Variants in KAZN observed in about 807,000 individuals in gnomAD.
KAZN encodes kazrin.
A neutral mutation model predicts 87.4 loss-of-function variants in KAZN; 40 were observed. The ratio of observed to expected loss-of-function variants is 0.46; its 90% CI spans 0.36 to 0.60. The LOEUF (loss-of-function observed/expected upper bound fraction) is 0.60. Ranked by LOEUF, KAZN falls within the 20% of genes least tolerant of loss-of-function variation. The pLI is 0.00. For missense variants in KAZN, 898 were observed against 1,073.9 expected, an observed-to-expected ratio of 0.84 and a Z score of 2.29; for synonymous variants, 466 against 458.3, an observed-to-expected ratio of 1.02 and a Z score of -0.22.
intron 1 of KAZN, among the ~76,000 whole-genome samples, chr1:13,984,777 AGAG>A (rs1250410694): frequency 6.6e-6 from 1 of 152,242 alleles, no homozygotes; most frequent in Non-Finnish European, 1.5e-5. Context: ...TTTTTTGGTA[AGAG>A]GTTCACTGAG....
At chr1:14,604,147 G>A (rs895882402) in intron 1 of KAZN, among the ~76,000 whole-genome samples, 2 of 152,138 alleles carry the variant, frequency 1.3e-5, no homozygotes, top group Admixed American at 1.3e-4. Context: ...CGTGGAAATA[G>A]GTCTCAGTGT....
At chr1:14,752,166 A>G (rs1193862973) in intron 1 of KAZN, among the ~76,000 whole-genome samples, 1 of 152,208 alleles carries the variant, frequency 6.6e-6, no homozygotes. Flanking sequence ...GAATTAATCT[A>G]TTCATGAAGA....
intron 2 of KAZN, among the ~76,000 whole-genome samples, chr1:14,997,321 A>C: frequency 6.7e-6 from 1 of 148,954 alleles, no homozygotes; most frequent in South Asian, 2.1e-4. Context: ...GCTCACCAAA[A>C]CCTCCACCTC....
intron 2 of KAZN, among the ~76,000 whole-genome samples, chr1:15,032,700 G>A (rs1283666360): frequency 6.6e-6 from 1 of 152,040 alleles, no homozygotes; most frequent in African/African-American, 2.4e-5. Context: ...TGTAATCCCA[G>A]CACTTTGAGA....
chr1:14,675,979 A>G (rs1229754901), intron 1 of KAZN, among the ~76,000 whole-genome samples: 1 of 152,124 alleles, frequency 6.6e-6, no homozygotes, highest in African/African-American at 2.4e-5. Context: ...TAAGCACAGG[A>G]CATCTGAAAA....
intron 1 of KAZN, chr1:14,924,600 G>A (rs1438568448): frequency 9.9e-7 from 1 of 1,006,746 alleles, no homozygotes; most frequent in Non-Finnish European, 1.2e-6. Context: ...GGGGCGGGGC[G>A]GGCGGCGCGG....
intron 1 of KAZN, among the ~76,000 whole-genome samples, chr1:14,055,200 T>C (rs1436816260): frequency 6.6e-6 from 1 of 152,210 alleles, no homozygotes; most frequent in Non-Finnish European, 1.5e-5. Flanking sequence ...ATCTATAAAA[T>C]AGGGACAAAA....
chr1:13,982,532 G>A (rs576488733), intron 1 of KAZN, among the ~76,000 whole-genome samples: 35 of 152,328 alleles, frequency 2.3e-4, no homozygotes, highest in African/African-American at 8.4e-4. Flanking sequence ...TCCACAGCAT[G>A]GAAAGCGACC....
In KAZN at chr1:15,116,089, G is replaced by C. The variant is rs1213291664; in HGVS notation, c.*1454G>C. 1 of 152,208 alleles carries C rather than the reference G, an allele frequency of 6.6e-6. No individual in the cohort carries two copies. Among genetic ancestry groups the C allele is most frequent in the Non-Finnish European group, 1.5e-5 (1 of 68,056 alleles). The allele number at this position is 152,208 out of a possible 1,614,324, so 9.4% of individuals were successfully genotyped here. A position where few individuals can be genotyped will look rare whatever the true frequency, so the allele number is the denominator to read the frequency against. On this transcript the variant is annotated 3_prime_UTR_variant, in exon 15 of 15. Coordinates refer to ENST00000376030, the MANE Select transcript of KAZN (RefSeq NM_201628.3). ...CCTTCGGGCCTCAGTTCATTGACCAGATGACAGCCACGTGATGATTAGGGA... is the reference window on the plus strand; with the variant it reads ...CCTTCGGGCCTCAGTTCATTGACCACATGACAGCCACGTGATGATTAGGGA...
intron 1 of KAZN, among the ~76,000 whole-genome samples, chr1:14,829,199 T>A (rs967949566): frequency 6.6e-6 from 1 of 152,222 alleles, no homozygotes; most frequent in Non-Finnish European, 1.5e-5. Context: ...CCAAGTCCCT[T>A]TGAGCCATGA....
chr1:13,981,105 A>ATATATATATATATATATATG (rs1479644523), intron 1 of KAZN, among the ~76,000 whole-genome samples: 23 of 133,490 alleles, frequency 1.7e-4, no homozygotes, highest in African/African-American at 5.9e-4. Context: ...ATATATATAT[A>ATATATATATATATATATATG]TATATGTATA....
chr1:14,355,214 A>C (rs890458865), intron 2 of KAZN, among the ~76,000 whole-genome samples: 1 of 152,182 alleles, frequency 6.6e-6, no homozygotes. Flanking sequence ...GGTGGGAACA[A>C]GAAGGAACTT....
chr1:14,239,541 A>G (rs1648747136), intron 2 of KAZN, among the ~76,000 whole-genome samples: 1 of 146,720 alleles, frequency 6.8e-6, no homozygotes, highest in Non-Finnish European at 1.5e-5. Flanking sequence ...GCTCACTGCA[A>G]CTTCTGCCTC....
chr1:14,778,408 A>ACC (rs1341714411), intron 1 of KAZN, among the ~76,000 whole-genome samples: 1 of 149,252 alleles, frequency 6.7e-6, no homozygotes, highest in African/African-American at 2.5e-5. Context: ...AAAAAAAAAA[A>ACC]AAAAACCCAC....
intron 1 of KAZN, among the ~76,000 whole-genome samples, chr1:14,674,554 C>T (rs1285632986): frequency 2.0e-5 from 3 of 152,206 alleles, no homozygotes; most frequent in Non-Finnish European, 4.4e-5. Context: ...CAACCCTAGA[C>T]CTTGCCACTC....
At chr1:14,219,539 A>G (rs1309551164) in intron 2 of KAZN, among the ~76,000 whole-genome samples, 2 of 152,222 alleles carry the variant, frequency 1.3e-5, no homozygotes, top group African/African-American at 4.8e-5. Context: ...GGACAGGCAG[A>G]CCTGTAAACA....
intron 1 of KAZN, among the ~76,000 whole-genome samples, chr1:13,966,481 G>C (rs1232495294): frequency 6.6e-6 from 1 of 152,184 alleles, no homozygotes; most frequent in Non-Finnish European, 1.5e-5. Flanking sequence ...ACTATCCTTG[G>C]AAGGACTCCA....
chr1:13,961,601 C>T (rs938707766), intron 1 of KAZN, among the ~76,000 whole-genome samples: 3 of 152,146 alleles, frequency 2.0e-5, no homozygotes, highest in African/African-American at 4.8e-5. Flanking sequence ...TACAGTGGTA[C>T]AAGTAGATGT....
chr1:14,224,474 C>T (rs1053075968), intron 2 of KAZN, among the ~76,000 whole-genome samples: 2 of 152,122 alleles, frequency 1.3e-5, no homozygotes, highest in African/African-American at 2.4e-5. Context: ...AAGAGGATAC[C>T]ACCTCTTGGA....
Sources: allele counts gnomAD v4.1 joint callset (sites outside exome capture counted in the v4.1 genomes callset), GRCh38; gene constraint gnomAD v4.1.1; transcripts MANE v1.5; gene names NCBI Gene and HGNC (gene_info 2026-07-23, HGNC 2026-07-21).